The following HYCC1 variants were observed in gnomAD, a reference collection of about 807,000 sequenced individuals.
HYCC1 encodes the protein hyccin.
chr7:22,982,491 G>A, the HYCC1 span, among the ~76,000 whole-genome samples: 2 of 152,138 alleles, frequency 1.3e-5, no homozygotes, highest in African/African-American at 4.8e-5. Flanking sequence ...TCATCCCAGA[G>A]ATACATAGAT....
the HYCC1 span, among the ~76,000 whole-genome samples, chr7:22,957,241 A>C: frequency 6.6e-6 from 1 of 151,688 alleles, no homozygotes; most frequent in Non-Finnish European, 1.5e-5. Flanking sequence ...TCAGATATGC[A>C]AACACACCAG....
chr7:22,904,624 T>C, the HYCC1 span, among the ~76,000 whole-genome samples: 15 of 151,640 alleles, frequency 9.9e-5, no homozygotes, highest in African/African-American at 3.1e-4. Context: ...TGCATTACTA[T>C]AAAGAAATAA....
chr7:22,945,631 C>T, the HYCC1 span: 12 of 1,613,538 alleles, frequency 7.4e-6, no homozygotes, highest in African/African-American at 5.3e-5. Context: ...GAGGTCTCTG[C>T]TGACCTGATT....
At chr7:22,960,865 C>A in the HYCC1 span, among the ~76,000 whole-genome samples, 1 of 152,058 alleles carries the variant, frequency 6.6e-6, no homozygotes, top group Admixed American at 6.5e-5. Context: ...GCCTGACCAA[C>A]ATGAATAAAT....
the HYCC1 span, among the ~76,000 whole-genome samples, chr7:22,987,276 G>A: frequency 6.6e-6 from 1 of 152,196 alleles, no homozygotes; most frequent in Non-Finnish European, 1.5e-5. Context: ...GACAAGCGCG[G>A]TGGCTCACGC....
the HYCC1 span, among the ~76,000 whole-genome samples, chr7:22,946,757 TAGA>T: frequency 6.6e-6 from 1 of 152,098 alleles, no homozygotes. Flanking sequence ...AAAATTATTT[TAGA>T]AGGAATTTTC....
the HYCC1 span, among the ~76,000 whole-genome samples, chr7:22,918,742 G>A: frequency 6.5e-4 from 98 of 149,930 alleles, 1 homozygote; most frequent in African/African-American, 2.0e-3. Flanking sequence ...ACCCCTGCCC[G>A]CAAGAGAACA....
the HYCC1 span, among the ~76,000 whole-genome samples, chr7:23,006,802 C>T: frequency 3.0e-3 from 459 of 152,194 alleles, 3 homozygotes; most frequent in African/African-American, 9.9e-3. Flanking sequence ...TTCAAGAAAA[C>T]GCACACCAAA....
chr7:22,954,175 A>G, the HYCC1 span, among the ~76,000 whole-genome samples: 1 of 151,198 alleles, frequency 6.6e-6, no homozygotes, highest in Non-Finnish European at 1.5e-5. Context: ...ATTTATTACC[A>G]TTTACCTTTT....
the HYCC1 span, among the ~76,000 whole-genome samples, chr7:22,971,010 G>A: frequency 6.6e-6 from 1 of 152,104 alleles, no homozygotes; most frequent in South Asian, 2.1e-4. Context: ...TCCGGAAGGT[G>A]TATTTGGTCA....
the HYCC1 span, among the ~76,000 whole-genome samples, chr7:22,897,055 G>A: frequency 6.6e-6 from 1 of 152,160 alleles, no homozygotes; most frequent in African/African-American, 2.4e-5. Context: ...TACTTTGGAT[G>A]GAGCCACCAG....
At chr7:22,959,593 T>A in the HYCC1 span, among the ~76,000 whole-genome samples, 1 of 151,898 alleles carries the variant, frequency 6.6e-6, no homozygotes, top group African/African-American at 2.4e-5. Context: ...AGGGAAGTTA[T>A]AAAAATAATA....
chr7:22,947,107 G>A, the HYCC1 span: 22 of 1,550,454 alleles, frequency 1.4e-5, no homozygotes, highest in Non-Finnish European at 1.2e-5. Context: ...TGCACACCCT[G>A]TATATGCTGA....
At chr7:22,991,123 T>A in the HYCC1 span, 1 of 1,607,906 alleles carries the variant, frequency 6.2e-7, no homozygotes, top group Admixed American at 1.7e-5. Flanking sequence ...TTTCCACATC[T>A]GTTCTAAACC....
the HYCC1 span, chr7:22,939,712 G>A: frequency 6.6e-6 from 1 of 152,108 alleles, no homozygotes; most frequent in African/African-American, 2.4e-5. Flanking sequence ...TATATAAAGT[G>A]AGAGTCCTAA....
chr7:22,991,911 G>C, the HYCC1 span, among the ~76,000 whole-genome samples: 1 of 152,082 alleles, frequency 6.6e-6, no homozygotes, highest in African/African-American at 2.4e-5. Context: ...ATTTTCATCA[G>C]CATTATAAGG....
At chr7:22,996,919 T>TGA in the HYCC1 span, among the ~76,000 whole-genome samples, 1 of 152,154 alleles carries the variant, frequency 6.6e-6, no homozygotes, top group Non-Finnish European at 1.5e-5. Context: ...TGTAAAAACT[T>TGA]TATTCTTCTC....
At chr7:22,987,466 T>C in the HYCC1 span, among the ~76,000 whole-genome samples, 1 of 152,196 alleles carries the variant, frequency 6.6e-6, no homozygotes, top group African/African-American at 2.4e-5. Flanking sequence ...GAGAATCACT[T>C]GAACCCAGGA....
At chr7:22,955,120 A>AT in the HYCC1 span, among the ~76,000 whole-genome samples, 1 of 151,598 alleles carries the variant, frequency 6.6e-6, no homozygotes, top group Non-Finnish European at 1.5e-5. Flanking sequence ...CTTTAAAGTA[A>AT]TTGTTACTAT....
Sources: gnomAD v4.1 joint callset for allele counts (sites outside exome capture counted in the v4.1 genomes callset) on GRCh38, gnomAD v4.1.1 for gene constraint, MANE v1.5 for transcripts, NCBI Gene and HGNC (gene_info 2026-07-23, HGNC 2026-07-21) for gene names.